Variants in CYSLTR2 observed in about 807,000 individuals in gnomAD.
CYSLTR2 encodes G-protein coupled receptor GPCR21.
For missense variants in CYSLTR2, 398 were observed against 411.9 expected (o/e 0.97, Z 0.29); for synonymous variants, 179 against 160.8 (o/e 1.11, Z -0.86).
intron 1 of CYSLTR2, among the ~76,000 whole-genome samples, chr13:48,672,863 G>C (rs1045522705): frequency 6.6e-6 from 1 of 152,022 alleles, no homozygotes. Context: ...TGATCTGCCT[G>C]CCTTGGCCTC....
chr13:48,682,143 T>C (rs1953772996), intron 1 of CYSLTR2, among the ~76,000 whole-genome samples: 1 of 152,170 alleles, frequency 6.6e-6, no homozygotes, highest in Non-Finnish European at 1.5e-5. Flanking sequence ...TCTAGTGCCC[T>C]GCCCATCCAG....
intron 1 of CYSLTR2, among the ~76,000 whole-genome samples, chr13:48,684,301 T>C (rs1427014329): frequency 6.6e-6 from 1 of 151,958 alleles, no homozygotes; most frequent in Non-Finnish European, 1.5e-5. Flanking sequence ...AGTGGGGTAA[T>C]CTTGAGAGAT....
rs1954560687 is a variant in CYSLTR2 at position 48,708,451 on chromosome 13, T to G, written c.*593T>G. ...TAAGTAGGGGAAGGAAGAATTTCATTTTGCATTGGGAGAGAGGTTCTAACA... is the reference window on the plus strand; with the variant it reads ...TAAGTAGGGGAAGGAAGAATTTCATGTTGCATTGGGAGAGAGGTTCTAACA... On this transcript the variant is annotated 3_prime_UTR_variant, in exon 5 of 5. Transcript: ENST00000682523. The G allele has an allele frequency of 6.0e-6, 1 of 167,152 alleles. No homozygotes were observed. 10.4% of individuals were successfully genotyped at this position (167,152 alleles called of 1,614,324 possible).
At position 48,707,186 on chromosome 13, in the gene CYSLTR2, C is replaced by T. The variant is rs542924464; in HGVS notation, c.369C>T (p.Tyr123=). Residue 123 remains tyrosine, a synonymous_variant, in exon 5 of 5, where the codon TAC becomes TAT. Coordinates refer to ENST00000682523, the MANE Select transcript of CYSLTR2 (RefSeq NM_001308476.3). ...CTTATTCCTTGTATGTCAACATGTA[C>T]AGCAGTATTTATTTCCTGACCGTGC... ...IMSYSLYVNM[Y]SSIYFLTVLS... 8 of 1,614,198 alleles carry T rather than the reference C, an allele frequency of 5.0e-6. No homozygotes were observed. The African/African-American group carries it at 9.3e-5, about 19-fold the overall frequency.
At chr13:48,656,993 G>C (rs959807969) in intron 1 of CYSLTR2, among the ~76,000 whole-genome samples, 2 of 152,162 alleles carry the variant, frequency 1.3e-5, no homozygotes, top group Admixed American at 1.3e-4. Flanking sequence ...CCTTTGTACT[G>C]CAGTTACTTA....
At chr13:48,671,348 T>G (rs1180943754) in intron 1 of CYSLTR2, among the ~76,000 whole-genome samples, 1 of 152,234 alleles carries the variant, frequency 6.6e-6, no homozygotes, top group Non-Finnish European at 1.5e-5. Context: ...CATCCTTGTC[T>G]TGTGTGTATT....
At chr13:48,698,838 A>C (rs1361151112) in intron 4 of CYSLTR2, among the ~76,000 whole-genome samples, 1 of 152,200 alleles carries the variant, frequency 6.6e-6, no homozygotes, top group Admixed American at 6.5e-5. Context: ...TCTACCAAGC[A>C]AATGGAAAAC....
Position 48,699,401 on chromosome 13 carries a change from A to G in CYSLTR2, c.-2+2775A>G, listed in dbSNP as rs949069673. 6.6e-5 allele frequency among the ~76,000 whole-genome samples: 10 copies of G among 152,210 alleles called. No homozygotes were observed. In the South Asian group the frequency reaches 8.3e-4, roughly 13 times the overall value. ...TTCGCAACTACGTGGAAACTGAACA[A>G]TCTGTTCCTGAATGACTACTGGGTA... On this transcript the variant is annotated intron_variant, in intron 4 of 4. Coordinates refer to ENST00000682523, the MANE Select transcript of CYSLTR2 (RefSeq NM_001308476.3).
At chr13:48,654,996 CA>C (rs1952967954) in intron 1 of CYSLTR2, among the ~76,000 whole-genome samples, 1 of 152,096 alleles carries the variant, frequency 6.6e-6, no homozygotes, top group South Asian at 2.1e-4. Context: ...ATCTCCCTTT[CA>C]ACACTACATA....
intron 1 of CYSLTR2, among the ~76,000 whole-genome samples, chr13:48,659,398 A>G (rs1953074023): frequency 6.6e-6 from 1 of 152,224 alleles, no homozygotes; most frequent in Non-Finnish European, 1.5e-5. Context: ...ATTTGGGTTC[A>G]GTTGGGATTT....
intron 1 of CYSLTR2, among the ~76,000 whole-genome samples, chr13:48,674,629 G>A (rs764887470): frequency 1.3e-5 from 2 of 152,132 alleles, no homozygotes; most frequent in South Asian, 2.1e-4. Context: ...CTGTCAATTC[G>A]TCAAACCCAT....
At chr13:48,697,501 C>G (rs879156197) in intron 4 of CYSLTR2, among the ~76,000 whole-genome samples, 3 of 152,078 alleles carry the variant, frequency 2.0e-5, no homozygotes, top group Non-Finnish European at 2.9e-5. Flanking sequence ...CACCAATACC[C>G]CATCTGTACG....
chr13:48,661,485 CT>C (rs1176974081), intron 1 of CYSLTR2, among the ~76,000 whole-genome samples: 2 of 151,456 alleles, frequency 1.3e-5, no homozygotes, highest in Non-Finnish European at 3.0e-5. Context: ...AAAATTTTGC[CT>C]CCTTAATGCT....
At chr13:48,690,242 A>T (rs1954004459) in intron 1 of CYSLTR2, among the ~76,000 whole-genome samples, 1 of 151,936 alleles carries the variant, frequency 6.6e-6, no homozygotes, top group South Asian at 2.1e-4. Context: ...GATACCCTTT[A>T]TTTCTTTCTC....
intron 2 of CYSLTR2, 114 bp downstream of exon 2, chr13:48,691,415 A>C (rs895789314): frequency 6.6e-6 from 1 of 152,048 alleles, no homozygotes; most frequent in Non-Finnish European, 1.5e-5. Context: ...ATTTCCTAGG[A>C]GATTAAGTGA....
chr13:48,698,094 T>G (rs1954242201), intron 4 of CYSLTR2, among the ~76,000 whole-genome samples: 1 of 152,144 alleles, frequency 6.6e-6, no homozygotes, highest in Non-Finnish European at 1.5e-5. Flanking sequence ...TGGAAAACAC[T>G]CTTCAGGATA....
rs76031871 is a variant in CYSLTR2, at chr13:48,663,204, G to T, written c.-266+9187G>T. On this transcript the variant is annotated intron_variant, in intron 1 of 4. Coordinates refer to ENST00000682523, the MANE Select transcript of CYSLTR2 (RefSeq NM_001308476.3). The stretch of plus-strand genomic sequence containing the variant: ...TCTATTCTGTTCCATTGGCCTATGT[G>T]TCTGCTTTTGTTAGTAACATGCTAT... 3.2e-3 allele frequency among the ~76,000 whole-genome samples: 492 copies of T among 152,124 alleles called. 4 individuals are homozygous for T. The highest frequency in any genetic ancestry group is 0.011 in the African/African-American group (477 of 41,526).
At chr13:48,661,621 A>G (rs1953131415) in intron 1 of CYSLTR2, among the ~76,000 whole-genome samples, 1 of 152,200 alleles carries the variant, frequency 6.6e-6, no homozygotes, top group South Asian at 2.1e-4. Context: ...CAGAGAAGAT[A>G]GGTCACTTCT....
chr13:48,686,832 GC>G (rs1256375096), intron 1 of CYSLTR2, among the ~76,000 whole-genome samples: 1 of 152,176 alleles, frequency 6.6e-6, no homozygotes, highest in African/African-American at 2.4e-5. Flanking sequence ...ATACTTTCCA[GC>G]TGTAATAGTC....
Sources: gnomAD v4.1 joint callset for allele counts (sites outside exome capture counted in the v4.1 genomes callset) on GRCh38, gnomAD v4.1.1 for gene constraint, MANE v1.5 for transcripts, NCBI Gene and HGNC (gene_info 2026-07-23, HGNC 2026-07-21) for gene names.